Variants in GDF1 observed in about 807,000 individuals in gnomAD.
The protein encoded by GDF1 is growth differentiation factor 1, also known as embryonic growth/differentiation factor 1.
GDF1 carries 8 observed loss-of-function variants against 7.4 expected under a neutral mutation model. That is an observed-to-expected ratio of 1.09 (90% confidence interval 0.64 to 1.96). The LOEUF (loss-of-function observed/expected upper bound fraction) is 1.96. GDF1 is among the 30% of genes most tolerant of loss of function. The probability of loss-of-function intolerance (pLI) is 0.00; values close to 1 mark genes in which losing one functional copy is unlikely to be tolerated. For missense variants in GDF1, 574 were observed against 551.5 expected (o/e 1.04, Z -0.41); for synonymous variants, 311 against 276.7 (o/e 1.12, Z -1.23).
chr19:18,886,091 G>GGGATTACAGGGC (rs2056350228), intron 2 of GDF1, among the ~76,000 whole-genome samples: 2 of 152,064 alleles, frequency 1.3e-5, no homozygotes, highest in African/African-American at 4.8e-5. Context: ...ATCCCCAGAG[G>GGGATTACAGGGC]CTGCCAGACA....
At chr19:18,891,001 A>G (rs542653065) in intron 2 of GDF1, among the ~76,000 whole-genome samples, 3 of 151,896 alleles carry the variant, frequency 2.0e-5, no homozygotes, top group Non-Finnish European at 2.9e-5. Flanking sequence ...GCGCGTGCCT[A>G]TAATTCCAGC....
intron 6 of GDF1, among the ~76,000 whole-genome samples, chr19:18,871,647 G>A (rs777550275): frequency 1.3e-5 from 2 of 152,194 alleles, no homozygotes; most frequent in Non-Finnish European, 2.9e-5. Context: ...GCCTCCCAAA[G>A]GGCTTCTGTC....
Position 18,868,557 on chromosome 19 carries a change from C to T in GDF1, c.*40G>A, listed in dbSNP as rs1346381343. ...AAGGAGACCAGCGGAGCAGACCACG[C>T]GGCATTTATTGTTGGGCCCGCGTCC... On this transcript the variant is annotated 3_prime_UTR_variant, in exon 8 of 8. Transcript: ENST00000247005. 9.6e-6 allele frequency: 14 copies of T among 1,463,392 alleles called. No homozygotes were observed. The highest frequency in any genetic ancestry group is 2.4e-5 in the South Asian group (2 of 82,364). 90.7% of individuals were successfully genotyped at this position (1,463,392 alleles called of 1,614,324 possible).
chr19:18,895,925 C>G lies in GDF1; in HGVS notation c.-1175G>C, dbSNP rs948253146. 2.5e-6 allele frequency: 3 copies of G among 1,217,778 alleles called. No individual in the cohort carries two copies. The highest frequency in any genetic ancestry group is 3.1e-6 in the Non-Finnish European group (3 of 976,060). The allele number at this position is 1,217,778 out of a possible 1,614,324, so 75.4% of individuals were successfully genotyped here. A position where few individuals can be genotyped will look rare whatever the true frequency, so the allele number is the denominator to read the frequency against. Reference sequence around the variant, plus strand: ...GGCGGCGCCAGGTGCGCGTGCTCAGCCAGGCCGCGACGCGCCAGCCCCCAG... The same window carrying G: ...GGCGGCGCCAGGTGCGCGTGCTCAGGCAGGCCGCGACGCGCCAGCCCCCAG... On this transcript the variant is annotated 5_prime_UTR_variant, in exon 1 of 8. Coordinates refer to ENST00000247005, the MANE Select transcript of GDF1 (RefSeq NM_001492.6). The surrounding 1 kb of genome is among the most constrained non-coding windows in gnomAD (Gnocchi z 6.4).
chr19:18,875,775 GAA>G (rs1183106363), intron 6 of GDF1, among the ~76,000 whole-genome samples: 1 of 152,158 alleles, frequency 6.6e-6, no homozygotes, highest in Non-Finnish European at 1.5e-5. Flanking sequence ...TTATGAGAGA[GAA>G]GAGAGACAGA....
At chr19:18,883,761 C>T (rs565063587) in intron 3 of GDF1, among the ~76,000 whole-genome samples, 55 of 152,240 alleles carry the variant, frequency 3.6e-4, no homozygotes, top group African/African-American at 1.3e-3. Context: ...CTCAGGAACT[C>T]CTGGGTGTGT....
Position 18,878,878 on chromosome 19 carries a change from G to C in GDF1, c.-313+52C>G. The C allele has an allele frequency of 1.3e-6, 2 of 1,597,664 alleles. No individual in the cohort carries two copies. Among genetic ancestry groups the C allele is most frequent in the Non-Finnish European group, 1.7e-6 (2 of 1,172,848 alleles). On this transcript the variant is annotated intron_variant, in intron 6 of 7. Coordinates refer to ENST00000247005, the MANE Select transcript of GDF1 (RefSeq NM_001492.6). The surrounding 1 kb of genome is among the most constrained non-coding windows in gnomAD (Gnocchi z 4.6). Reference sequence around the variant, plus strand: ...GGGGGCCTGCCCACGAACACGCTTGGACGGGTGACACTAAAGGAGGGAACG... The same window carrying C: ...GGGGGCCTGCCCACGAACACGCTTGCACGGGTGACACTAAAGGAGGGAACG...
At chr19:18,879,780 G>A (rs2056155352) in intron 4 of GDF1, among the ~76,000 whole-genome samples, 1 of 94,002 alleles carries the variant, frequency 1.1e-5, no homozygotes, top group African/African-American at 4.2e-5. Flanking sequence ...TCCCTGCCCA[G>A]TCCCTCCCCT....
Position 18,870,797 on chromosome 19 carries a change from C to G in GDF1, c.-312-178G>C, listed in dbSNP as rs1178492492. 6.6e-6 allele frequency among the ~76,000 whole-genome samples: 1 copy of G among 152,112 alleles called. No individual in the cohort carries two copies. ...CTGCCCCTCCTTGCCTTCACCCTGC[C>G]CCTCCTTCAACCTGCCCCGTAGGCA... On this transcript the variant is annotated intron_variant, in intron 6 of 7. Transcript: ENST00000247005. This position sits in a 1 kb window ranked among gnomAD's most constrained non-coding sequence, Gnocchi z 5.1.
chr19:18,879,529 T>C, intron 4 of GDF1, 141 bp from the exon 5 acceptor site: 1 of 1,040,804 alleles, frequency 9.6e-7, no homozygotes, highest in Non-Finnish European at 1.4e-6. Flanking sequence ...ACTACTGCTC[T>C]GTCCTTCCCC....
chr19:18,880,975 A>G (rs931567023), intron 3 of GDF1, among the ~76,000 whole-genome samples: 34 of 152,210 alleles, frequency 2.2e-4, no homozygotes, highest in Non-Finnish European at 3.5e-4. Flanking sequence ...CTGGGATTAC[A>G]GGCGCGAGCC....
At chr19:18,890,242 C>T (rs1433444635) in intron 2 of GDF1, among the ~76,000 whole-genome samples, 3 of 152,220 alleles carry the variant, frequency 2.0e-5, no homozygotes, top group Non-Finnish European at 4.4e-5. Flanking sequence ...CTAAAAACTG[C>T]CCCTCCCCAC....
intron 6 of GDF1, among the ~76,000 whole-genome samples, chr19:18,875,987 G>GT (rs2056054167): frequency 6.6e-6 from 1 of 152,338 alleles, no homozygotes; most frequent in African/African-American, 2.4e-5. Context: ...AGTTCCTGTG[G>GT]TTTTAAGTCA....
chr19:18,875,188 A>G (rs2056038507), intron 6 of GDF1, among the ~76,000 whole-genome samples: 1 of 151,374 alleles, frequency 6.6e-6, no homozygotes, highest in African/African-American at 2.4e-5. Context: ...GTGGACTATG[A>G]TTGAGCCAGT....
chr19:18,872,160 C>G (rs745467889), intron 6 of GDF1, among the ~76,000 whole-genome samples: 1 of 152,232 alleles, frequency 6.6e-6, no homozygotes, highest in South Asian at 2.1e-4. Flanking sequence ...TTAGCATCCT[C>G]GGTGATGGGT....
At chr19:18,880,576 G>T in intron 3 of GDF1, 141 bp from the exon 4 acceptor site, 1 of 754,718 alleles carries the variant, frequency 1.3e-6, no homozygotes, top group Non-Finnish European at 2.0e-6. Context: ...TGCCTCGCCT[G>T]CCCTGCCCAT....
At chr19:18,884,709 C>CT (rs36074874) in intron 2 of GDF1, among the ~76,000 whole-genome samples, 20,904 of 68,940 alleles carry the variant, frequency 0.3, 4,816 homozygotes, top group Admixed American at 0.42. Flanking sequence ...GCCCAGCCGT[C>CT]TTTTTTTTTT....
Position 18,878,849 on chromosome 19 carries a change from T to A in GDF1, c.-313+81A>T. 6.4e-7 allele frequency: 1 copy of A among 1,555,082 alleles called. No homozygotes were observed. On this transcript the variant is annotated intron_variant, in intron 6 of 7. Transcript: ENST00000247005. This position sits in a 1 kb window ranked among gnomAD's most constrained non-coding sequence, Gnocchi z 4.6. ...CGCGTCGGCCTCATCTGCTGCTGGG[T>A]CTTGGGGGCCTGCCCACGAACACGC... is the stretch of plus-strand genomic sequence containing the variant.
intron 1 of GDF1, among the ~76,000 whole-genome samples, chr19:18,894,511 G>C (rs926094642): frequency 1.3e-5 from 2 of 152,150 alleles, no homozygotes; most frequent in Non-Finnish European, 2.9e-5. Flanking sequence ...CACCCAAGGG[G>C]CTGGGGAGGG....
Sources: gnomAD v4.1 joint callset for allele counts (sites outside exome capture counted in the v4.1 genomes callset) on GRCh38, gnomAD v4.1.1 for gene constraint, Gnocchi (gnomAD v3.1) non-coding constraint, MANE v1.5 for transcripts, NCBI Gene and HGNC (gene_info 2026-07-23, HGNC 2026-07-21) for gene names.